ZFHX3: variants seen among roughly 807,000 people sequenced by gnomAD.
ZFHX3 encodes zinc finger homeobox 3.
Under a neutral mutation model 279.1 loss-of-function variants are expected in ZFHX3, and 42 were observed. That is an observed-to-expected ratio of 0.15 (90% confidence interval 0.12 to 0.19). The LOEUF (loss-of-function observed/expected upper bound fraction) is 0.19. Among genes scored for constraint, ZFHX3 ranks in the 10% least tolerant of loss-of-function variants. The pLI is 1.00. For missense variants in ZFHX3, 4,981 were observed against 4,754.0 expected (o/e 1.05, Z -1.40); for synonymous variants, 2,293 against 1,957.8 (o/e 1.17, Z -4.52).
chr16:73,277,900 G>A (rs140594683), intron 4 of ZFHX3, among the ~76,000 whole-genome samples: 2,783 of 152,252 alleles, frequency 0.018, 31 homozygotes, highest in Middle Eastern at 0.048. Context: ...GCAGGAGCAA[G>A]AGAGAGAGGC....
intron 1 of ZFHX3, among the ~76,000 whole-genome samples, chr16:73,849,210 A>T (rs60716000): frequency 0.073 from 11,086 of 152,296 alleles, 525 homozygotes; most frequent in Non-Finnish European, 0.098. Flanking sequence ...ATGGTGTGTG[A>T]CGTCAATTCA....
chr16:73,087,728 C>T (rs1051184595), intron 8 of ZFHX3, among the ~76,000 whole-genome samples: 1 of 152,044 alleles, frequency 6.6e-6, no homozygotes, highest in African/African-American at 2.4e-5. Context: ...TCCCCAAAGT[C>T]TAATACATTT....
intron 3 of ZFHX3, among the ~76,000 whole-genome samples, chr16:73,363,793 C>T (rs1044808513): frequency 2.6e-5 from 4 of 152,096 alleles, no homozygotes; most frequent in Admixed American, 6.6e-5. Flanking sequence ...ATAAGGAAGA[C>T]GGATAGCATC....
At chr16:73,251,376 C>A (rs1049027616) in intron 5 of ZFHX3, among the ~76,000 whole-genome samples, 1 of 152,148 alleles carries the variant, frequency 6.6e-6, no homozygotes, top group African/African-American at 2.4e-5. Context: ...ACAGCGAGCA[C>A]GGAGCACTGT....
At chr16:72,921,240 G>A (rs960121181) in intron 3 of ZFHX3, among the ~76,000 whole-genome samples, 1 of 152,150 alleles carries the variant, frequency 6.6e-6, no homozygotes, top group African/African-American at 2.4e-5. Flanking sequence ...AGAGCTGGAG[G>A]GTAACCGGGT....
chr16:73,598,490 T>C (rs1292894460), intron 2 of ZFHX3, among the ~76,000 whole-genome samples: 1 of 151,234 alleles, frequency 6.6e-6, no homozygotes, highest in East Asian at 1.9e-4. Flanking sequence ...TGATCTTGAC[T>C]CACTACAGCC....
intron 3 of ZFHX3, among the ~76,000 whole-genome samples, chr16:73,359,084 G>T (rs922938799): frequency 6.6e-6 from 1 of 152,108 alleles, no homozygotes; most frequent in African/African-American, 2.4e-5. Flanking sequence ...TCTGCCTAGG[G>T]AGACGCCACA....
intron 1 of ZFHX3, among the ~76,000 whole-genome samples, chr16:73,692,572 G>T (rs1280758623): frequency 1.3e-5 from 2 of 152,186 alleles, no homozygotes; most frequent in Non-Finnish European, 2.9e-5. Flanking sequence ...ATTTTTAACT[G>T]CAAGAATTAC....
At chr16:72,910,294 A>G (rs2039286235) in intron 3 of ZFHX3, among the ~76,000 whole-genome samples, 1 of 152,202 alleles carries the variant, frequency 6.6e-6, no homozygotes, top group African/African-American at 2.4e-5. Flanking sequence ...TTAAACAGCC[A>G]GGGAGGAAAA....
At chr16:72,843,825 A>G (rs1472760379) in intron 4 of ZFHX3, among the ~76,000 whole-genome samples, 14 of 152,216 alleles carry the variant, frequency 9.2e-5, no homozygotes, top group Admixed American at 9.2e-4. Context: ...ATGGCATGGC[A>G]AGGATAAAAA....
chr16:73,002,259 A>G (rs1963525691), intron 1 of ZFHX3, among the ~76,000 whole-genome samples: 2 of 152,176 alleles, frequency 1.3e-5, no homozygotes, highest in African/African-American at 4.8e-5. Context: ...TTCTCTGGCC[A>G]GGAGAACTCC....
At chr16:73,437,647 T>C (rs1223740650) in intron 3 of ZFHX3, among the ~76,000 whole-genome samples, 2 of 152,194 alleles carry the variant, frequency 1.3e-5, no homozygotes, top group Non-Finnish European at 2.9e-5. Flanking sequence ...TTACATTTCA[T>C]TCCAAATAGT....
intron 5 of ZFHX3, among the ~76,000 whole-genome samples, chr16:73,149,259 ATAT>A (rs1235525211): frequency 4.7e-5 from 7 of 147,782 alleles, no homozygotes; most frequent in Admixed American, 2.0e-4. Context: ...TTATATTATA[ATAT>A]TATTTTATAT....
chr16:72,966,081 T>A (rs879377012), intron 1 of ZFHX3, among the ~76,000 whole-genome samples: 1 of 152,180 alleles, frequency 6.6e-6, no homozygotes, highest in Non-Finnish European at 1.5e-5. Flanking sequence ...TGCCATTATT[T>A]TAAGCGTCAA....
chr16:73,807,982 G>A (rs1359381408), intron 1 of ZFHX3, among the ~76,000 whole-genome samples: 1 of 151,906 alleles, frequency 6.6e-6, no homozygotes, highest in African/African-American at 2.4e-5. Flanking sequence ...GCTTCAAATC[G>A]CATACCTACA....
chr16:72,850,731 T>G (rs930936486), intron 4 of ZFHX3, among the ~76,000 whole-genome samples: 5 of 152,198 alleles, frequency 3.3e-5, no homozygotes, highest in African/African-American at 1.2e-4. Context: ...AAGGATTGAC[T>G]GGAGTTTGCC....
chr16:73,224,047 G>A (rs905174078), intron 5 of ZFHX3, among the ~76,000 whole-genome samples: 3 of 152,172 alleles, frequency 2.0e-5, no homozygotes, highest in African/African-American at 4.8e-5. Flanking sequence ...AGTAGGCAGG[G>A]CATACATGAT....
chr16:73,404,166 G>A (rs771850713), intron 3 of ZFHX3, among the ~76,000 whole-genome samples: 26 of 152,138 alleles, frequency 1.7e-4, no homozygotes, highest in Non-Finnish European at 3.7e-4. Context: ...GAAAGCTAAT[G>A]CCATCTAAAG....
At chr16:73,653,072 T>C (rs974046760) in intron 2 of ZFHX3, among the ~76,000 whole-genome samples, 2 of 151,962 alleles carry the variant, frequency 1.3e-5, no homozygotes, top group African/African-American at 4.8e-5. Flanking sequence ...AGAAAAGTGG[T>C]GTAGCTATAT....
Sources: gnomAD v4.1 joint callset for allele counts (sites outside exome capture counted in the v4.1 genomes callset) on GRCh38, gnomAD v4.1.1 for gene constraint, MANE v1.5 for transcripts, NCBI Gene and HGNC (gene_info 2026-07-23, HGNC 2026-07-21) for gene names.